Variants in ROBO1 observed in about 807,000 individuals in gnomAD.
ROBO1 encodes the protein roundabout homolog 1.
A neutral mutation model predicts 195.9 loss-of-function variants in ROBO1; 149 were observed. The ratio of observed to expected loss-of-function variants is 0.76; its 90% CI spans 0.67 to 0.87. The LOEUF (loss-of-function observed/expected upper bound fraction) is 0.87. ROBO1 is among the 40% of genes least tolerant of loss of function. The pLI is 0.00. For synonymous variants in ROBO1, 816 were observed against 733.2 expected, an observed-to-expected ratio of 1.11 and a Z score of -1.82; for missense variants, 1,933 against 2,068.3, an observed-to-expected ratio of 0.93 and a Z score of 1.27.
At chr3:79,636,919 T>C (rs1421732926) in intron 1 of ROBO1, among the ~76,000 whole-genome samples, 1 of 152,246 alleles carries the variant, frequency 6.6e-6, no homozygotes, top group Admixed American at 6.5e-5. Context: ...CACTGCTTCT[T>C]TGAAGTTACC....
In ROBO1 at chr3:78,598,775, T is replaced by G. The variant is rs1027292098; in HGVS notation, c.*138A>C. The stretch of plus-strand genomic sequence containing the variant: ...ACCCAATAAAGTTTTTAAAATGATA[T>G]CCCAATAAGAGGAATAAAAACGACA... On this transcript the variant is annotated 3_prime_UTR_variant, in exon 31 of 31. Transcript: ENST00000464233. 7.7e-6 allele frequency: 4 copies of G among 521,028 alleles called. No homozygotes were observed. The highest frequency in any genetic ancestry group is 3.0e-5 in the Admixed American group (1 of 33,508). 32.3% of individuals were successfully genotyped at this position (521,028 alleles called of 1,614,324 possible). A position where few individuals can be genotyped will look rare whatever the true frequency, so the allele number is the denominator to read the frequency against.
intron 4 of ROBO1, among the ~76,000 whole-genome samples, chr3:78,888,445 TAA>T (rs940103773): frequency 1.1e-4 from 16 of 152,204 alleles, no homozygotes; most frequent in African/African-American, 3.9e-4. Context: ...GTTAGAGACT[TAA>T]AATATCTAAT....
intron 3 of ROBO1, among the ~76,000 whole-genome samples, chr3:79,080,680 T>G (rs1415583036): frequency 6.6e-6 from 1 of 152,064 alleles, no homozygotes; most frequent in Non-Finnish European, 1.5e-5. Flanking sequence ...GTAAGTAATA[T>G]GTAAATTTTA....
At chr3:79,598,523 C>A (rs903167770) in intron 1 of ROBO1, among the ~76,000 whole-genome samples, 2 of 151,816 alleles carry the variant, frequency 1.3e-5, no homozygotes, top group African/African-American at 4.8e-5. Flanking sequence ...TAAACCTTAC[C>A]ATCCTATTCT....
chr3:79,366,761 G>A (rs771184486), intron 2 of ROBO1, among the ~76,000 whole-genome samples: 3 of 152,096 alleles, frequency 2.0e-5, no homozygotes, highest in South Asian at 4.1e-4. Context: ...TCCTCTCGAC[G>A]TTCACTTCCC....
chr3:79,386,338 G>A (rs770512755), intron 2 of ROBO1, among the ~76,000 whole-genome samples: 3 of 152,094 alleles, frequency 2.0e-5, no homozygotes, highest in African/African-American at 4.8e-5. Context: ...ATTTAAAAAC[G>A]GGGAAGAGGA....
Position 78,662,041 on chromosome 3 carries a change from G to A in ROBO1, c.2040C>T (p.Leu680=), listed in dbSNP as rs1358872450. The A allele has an allele frequency of 6.2e-7, 1 of 1,601,390 alleles. No homozygotes were observed. Among genetic ancestry groups the A allele is most frequent in the African/African-American group, 1.3e-5 (1 of 74,734 alleles). ...AGGAAGAAAGGACGGTGGGGTTGTGGAGGTGCAGAACAGCATTTCCCAGCT... is the reference window on the plus strand; with the variant it reads ...AGGAAGAAAGGACGGTGGGGTTGTGAAGGTGCAGAACAGCATTTCCCAGCT... ...QRELGNAVLH[L]HNPTVLSSSS... The change falls in exon 15 of 31, where the codon CTC becomes CTT. Residue 680 remains leucine, a synonymous_variant. Transcript: ENST00000464233.
chr3:78,949,883 T>C (rs2040676876), intron 3 of ROBO1, among the ~76,000 whole-genome samples: 1 of 152,194 alleles, frequency 6.6e-6, no homozygotes, highest in Non-Finnish European at 1.5e-5. Flanking sequence ...AAAGAAGACA[T>C]TTATGCAGCC....
chr3:78,907,677 A>C (rs1277925395), intron 4 of ROBO1, among the ~76,000 whole-genome samples: 2 of 152,062 alleles, frequency 1.3e-5, no homozygotes, highest in African/African-American at 4.8e-5. Context: ...GTCATTTTCT[A>C]ATTTTCATTC....
chr3:78,675,148 T>G (rs186145068), intron 10 of ROBO1, among the ~76,000 whole-genome samples: 4 of 151,528 alleles, frequency 2.6e-5, no homozygotes, highest in Non-Finnish European at 5.9e-5. Context: ...TTTTCTTTGT[T>G]TCATCCACTC....
At chr3:79,591,481 T>C (rs1943998658) in intron 1 of ROBO1, among the ~76,000 whole-genome samples, 1 of 151,914 alleles carries the variant, frequency 6.6e-6, no homozygotes, top group African/African-American at 2.4e-5. Context: ...TGATCTGAGC[T>C]AGAAACTTGC....
At position 79,018,035 on chromosome 3, in the gene ROBO1, G is replaced by A. The variant is rs572121121; in HGVS notation, c.173-79108C>T. Among the ~76,000 whole-genome samples, 426 of 152,234 alleles carry A rather than the reference G, an allele frequency of 2.8e-3. 2 individuals are homozygous for A. The highest frequency in any genetic ancestry group is 4.8e-3 in the Non-Finnish European group (327 of 68,002). On this transcript the variant is annotated intron_variant, in intron 3 of 30. Coordinates refer to ENST00000464233, the MANE Select transcript of ROBO1 (RefSeq NM_002941.4). ...CATTTCCCTCCCCAGGGAAGCAGCCGGCGGCTGATACTCACTTCGGCTCAT... is the reference window on the plus strand; with the variant it reads ...CATTTCCCTCCCCAGGGAAGCAGCCAGCGGCTGATACTCACTTCGGCTCAT...
At chr3:79,282,029 A>G (rs2109003932) in intron 2 of ROBO1, among the ~76,000 whole-genome samples, 1 of 152,330 alleles carries the variant, frequency 6.6e-6, no homozygotes, top group Middle Eastern at 3.4e-3. Flanking sequence ...ACACAGGTGA[A>G]GAAGCAAGAA....
intron 4 of ROBO1, among the ~76,000 whole-genome samples, chr3:78,775,900 G>A (rs556876638): frequency 2.6e-5 from 4 of 152,280 alleles, no homozygotes; most frequent in African/African-American, 7.2e-5. Flanking sequence ...CTCAGTAGCT[G>A]ACCTCAGCAT....
chr3:78,711,878 T>C (rs1429320257), intron 8 of ROBO1, among the ~76,000 whole-genome samples: 1 of 151,576 alleles, frequency 6.6e-6, no homozygotes, highest in African/African-American at 2.4e-5. Context: ...AAAGTGCCTA[T>C]TAGATGTCCA....
At chr3:79,623,864 A>G (rs1945086067) in intron 1 of ROBO1, among the ~76,000 whole-genome samples, 1 of 152,142 alleles carries the variant, frequency 6.6e-6, no homozygotes, top group Non-Finnish European at 1.5e-5. Flanking sequence ...AAGACACTCC[A>G]TGAGAAGATC....
At chr3:79,066,073 A>G (rs111739633) in intron 3 of ROBO1, among the ~76,000 whole-genome samples, 7 of 152,078 alleles carry the variant, frequency 4.6e-5, no homozygotes, top group African/African-American at 1.7e-4. Context: ...ATCCAGAATC[A>G]ATTTACAGAA....
At position 78,696,561 on chromosome 3, in the gene ROBO1, T is replaced by C. The variant is rs188572849; in HGVS notation, c.1046-7789A>G. 8.9e-4 allele frequency among the ~76,000 whole-genome samples: 135 copies of C among 151,804 alleles called. 1 individual carries two copies. The highest frequency in any genetic ancestry group is 2.9e-3 in the African/African-American group (120 of 41,434). ...AATATTCAATAGGATACAAAATACA[T>C]TTGATTTTACATTTAAACTGCCACA... On this transcript the variant is annotated intron_variant, in intron 8 of 30. Transcript: ENST00000464233.
intron 2 of ROBO1, among the ~76,000 whole-genome samples, chr3:79,503,849 A>T (rs919370598): frequency 5.3e-5 from 8 of 151,892 alleles, no homozygotes; most frequent in African/African-American, 1.9e-4. Context: ...TTCAACAAAG[A>T]CTCCTTTCAA....
Sources: allele counts gnomAD v4.1 joint callset (sites outside exome capture counted in the v4.1 genomes callset), GRCh38; gene constraint gnomAD v4.1.1; transcripts MANE v1.5; gene names NCBI Gene and HGNC (gene_info 2026-07-23, HGNC 2026-07-21).